CTBP2: variants seen among roughly 807,000 people sequenced by gnomAD.
The protein encoded by CTBP2 is C-terminal-binding protein 2.
CTBP2 carries 30 observed loss-of-function variants against 80.3 expected under a neutral mutation model. The ratio of observed to expected loss-of-function variants is 0.37; its 90% CI spans 0.28 to 0.51. CTBP2 has a LOEUF of 0.51. Among genes scored for constraint, CTBP2 ranks in the 20% least tolerant of loss-of-function variants. CTBP2 has a pLI of 0.93. For missense variants in CTBP2, 1,212 were observed against 1,375.3 expected, an observed-to-expected ratio of 0.88 and a Z score of 1.88; for synonymous variants, 594 against 587.4, an observed-to-expected ratio of 1.01 and a Z score of -0.16.
chr10:125,130,500 T>C (rs1386890385), intron 1 of CTBP2, among the ~76,000 whole-genome samples: 2 of 152,188 alleles, frequency 1.3e-5, no homozygotes, highest in Non-Finnish European at 2.9e-5. Context: ...TGCTGTTAAA[T>C]GCTGTGTCCT....
intron 1 of CTBP2, among the ~76,000 whole-genome samples, chr10:125,111,963 C>T (rs574196420): frequency 6.6e-6 from 1 of 152,094 alleles, no homozygotes; most frequent in East Asian, 1.9e-4. Flanking sequence ...TAGTCTTGCT[C>T]GAGCCCCACG....
At chr10:125,029,611 A>G (rs1466547628), upstream of CTBP2, among the ~76,000 whole-genome samples, 1 of 152,086 alleles carries the variant, frequency 6.6e-6, no homozygotes, top group African/African-American at 2.4e-5. Context: ...CCTTGTTGTA[A>G]TGAACAACAT....
At chr10:125,007,992 G>C (rs2134353070) in intron 1 of CTBP2, among the ~76,000 whole-genome samples, 1 of 151,902 alleles carries the variant, frequency 6.6e-6, no homozygotes, top group East Asian at 1.9e-4. Context: ...TGTTGCCCAG[G>C]CTGGAATGCA....
chr10:125,102,479 C>T (rs929776817), intron 2 of CTBP2, among the ~76,000 whole-genome samples: 1 of 152,246 alleles, frequency 6.6e-6, no homozygotes, highest in Admixed American at 6.5e-5. Flanking sequence ...CGGCCTTCAG[C>T]AGGCCTCTGC....
intron 1 of CTBP2, among the ~76,000 whole-genome samples, chr10:125,021,248 C>T (rs763398106): frequency 5.9e-5 from 9 of 152,224 alleles, no homozygotes; most frequent in Non-Finnish European, 1.3e-4. Flanking sequence ...CCCTCTCTTC[C>T]TTCTCTGCTC....
intron 1 of CTBP2, among the ~76,000 whole-genome samples, chr10:125,152,485 A>C (rs192366394): frequency 2.0e-5 from 3 of 152,236 alleles, no homozygotes; most frequent in African/African-American, 7.2e-5. Context: ...AACAAGGAGG[A>C]AAAACAGCCT....
At chr10:125,009,723 C>T (rs574569058) in intron 1 of CTBP2, among the ~76,000 whole-genome samples, 1 of 152,318 alleles carries the variant, frequency 6.6e-6, no homozygotes, top group South Asian at 2.1e-4. Flanking sequence ...GGGCCAGATT[C>T]TGATGCTGGG....
At chr10:125,094,466 G>A (rs1348305958) in intron 2 of CTBP2, among the ~76,000 whole-genome samples, 1 of 152,198 alleles carries the variant, frequency 6.6e-6, no homozygotes, top group Non-Finnish European at 1.5e-5. Context: ...TGGGGGTTAC[G>A]CACCTCAGGG....
chr10:125,046,554 A>G (rs1590307749), intron 2 of CTBP2, among the ~76,000 whole-genome samples: 1 of 150,940 alleles, frequency 6.6e-6, no homozygotes, highest in Non-Finnish European at 1.5e-5. Flanking sequence ...AAAAAAAAAA[A>G]AGAATTTGGA....
At chr10:125,115,181 G>A (rs1472023265) in intron 1 of CTBP2, among the ~76,000 whole-genome samples, 2 of 126,340 alleles carry the variant, frequency 1.6e-5, no homozygotes, top group Admixed American at 7.6e-5. Flanking sequence ...ATATATTAGG[G>A]GAGAAGAAAG....
intron 1 of CTBP2, among the ~76,000 whole-genome samples, chr10:125,127,567 T>C (rs558462780): frequency 1.8e-4 from 28 of 152,298 alleles, no homozygotes; most frequent in African/African-American, 6.3e-4. Flanking sequence ...AGGGTATCCC[T>C]AGAAGGACCC....
intron 1 of CTBP2, among the ~76,000 whole-genome samples, chr10:125,122,254 AG>A (rs1161959470): frequency 6.6e-6 from 1 of 152,276 alleles, no homozygotes; most frequent in African/African-American, 2.4e-5. Context: ...ACAACCTTTC[AG>A]CATGGATGTT....
At position 125,013,697 on chromosome 10, in the gene CTBP2, A is replaced by G. The variant is rs567262725; in HGVS notation, c.1679-10205T>C. Among the ~76,000 whole-genome samples, 24 of 152,274 alleles carry G rather than the reference A, an allele frequency of 1.6e-4. No homozygotes were observed. In the East Asian group the frequency reaches 4.3e-3, roughly 27 times the overall value. ...CCAGCAGGTAACGGAGGCGGGGGGA[A>G]CTTGCCCGGGGTCACACAGCAAGTA... On this transcript the variant is annotated intron_variant, in intron 1 of 8. Coordinates refer to ENST00000309035, the MANE Select transcript of CTBP2 (RefSeq NM_022802.3).
upstream of CTBP2, among the ~76,000 whole-genome samples, chr10:125,031,211 G>A (rs185339171): frequency 3.1e-4 from 47 of 152,176 alleles, no homozygotes; most frequent in Admixed American, 2.9e-3. Flanking sequence ...TTCTTGGGCC[G>A]GGTGCCGTGG....
At chr10:125,158,609 G>C (rs780963906) in intron 1 of CTBP2, 3 of 152,154 alleles carry the variant, frequency 2.0e-5, no homozygotes, top group Non-Finnish European at 2.9e-5. Context: ...GAAAAAAGGG[G>C]GTAAATACAC....
chr10:125,038,843 G>T (rs540192023), intron 3 of CTBP2, among the ~76,000 whole-genome samples, 154 bp downstream of exon 3: 143 of 152,336 alleles, frequency 9.4e-4, no homozygotes, highest in Middle Eastern at 3.4e-3. Flanking sequence ...CACGGCCAAG[G>T]ACACCCAGCA....
At chr10:125,042,886 C>A (rs1590279045) in intron 2 of CTBP2, among the ~76,000 whole-genome samples, 2 of 92,374 alleles carry the variant, frequency 2.2e-5, no homozygotes, top group Admixed American at 1.2e-4. Context: ...GAAGCCAAAC[C>A]GCACAAGAAA....
chr10:125,062,565 A>G (rs969927871), intron 2 of CTBP2, among the ~76,000 whole-genome samples: 1 of 146,012 alleles, frequency 6.8e-6, no homozygotes, highest in Non-Finnish European at 1.5e-5. Flanking sequence ...TGCCATCAGT[A>G]ATAAAAAATA....
intron 3 of CTBP2, among the ~76,000 whole-genome samples, chr10:125,036,554 T>C (rs1958886445): frequency 1.3e-5 from 2 of 151,682 alleles, no homozygotes; most frequent in African/African-American, 2.4e-5. Context: ...GTGTCAGGTG[T>C]AGGCAGTGGG....
Sources: allele counts gnomAD v4.1 joint callset (sites outside exome capture counted in the v4.1 genomes callset), GRCh38; gene constraint gnomAD v4.1.1; transcripts MANE v1.5; gene names NCBI Gene and HGNC (gene_info 2026-07-23, HGNC 2026-07-21).